Variants in KCNIP1 observed in about 807,000 individuals in gnomAD.
The protein encoded by KCNIP1 is potassium voltage-gated channel interacting protein 1, also known as A-type potassium channel modulatory protein KCNIP1.
KCNIP1 carries 18 observed loss-of-function variants against 33.0 expected under a neutral mutation model. The ratio of observed to expected loss-of-function variants is 0.55; its 90% CI spans 0.38 to 0.81. The LOEUF is 0.81. Ranked by LOEUF, KCNIP1 falls within the 30% of genes least tolerant of loss-of-function variation. The pLI is 0.00. For missense variants in KCNIP1, 238 were observed against 271.6 expected, an observed-to-expected ratio of 0.88 and a Z score of 0.87; for synonymous variants, 93 against 98.3, an observed-to-expected ratio of 0.95 and a Z score of 0.32.
At chr5:170,407,678 T>C (rs1245311554) in intron 1 of KCNIP1, among the ~76,000 whole-genome samples, 1 of 152,200 alleles carries the variant, frequency 6.6e-6, no homozygotes, top group Admixed American at 6.5e-5. Context: ...CTGTCATCAT[T>C]TTACATTTGC....
intron 1 of KCNIP1, among the ~76,000 whole-genome samples, chr5:170,668,502 A>G (rs778523957): frequency 2.6e-5 from 4 of 152,228 alleles, no homozygotes; most frequent in Admixed American, 6.5e-5. Context: ...TGTCAGCCCT[A>G]GAAATCTCTG....
chr5:170,389,468 CGGAGA>C (rs934447324), intron 1 of KCNIP1: 1 of 152,224 alleles, frequency 6.6e-6, no homozygotes, highest in African/African-American at 2.4e-5. Flanking sequence ...GACACAGACT[CGGAGA>C]GCAGGTACCC....
intron 1 of KCNIP1, among the ~76,000 whole-genome samples, chr5:170,557,122 G>C (rs1287460478): frequency 1.3e-5 from 2 of 152,174 alleles, no homozygotes; most frequent in Non-Finnish European, 2.9e-5. Context: ...CTTACTAACT[G>C]TGTGGCCTTG....
Position 170,736,272 on chromosome 5 carries a change from A to T in KCNIP1, c.*466A>T, listed in dbSNP as rs1034894789. 6.1e-6 allele frequency: 1 copy of T among 164,980 alleles called. No homozygotes were observed. Among genetic ancestry groups the T allele is most frequent in the African/African-American group, 2.4e-5 (1 of 41,942 alleles). 10.2% of individuals were successfully genotyped at this position (164,980 alleles called of 1,614,324 possible). ...TGTTTCTCTTCCTTTGGTGGGAAGA[A>T]TGAGAGTTATCCAGAACAATTAGGA... On this transcript the variant is annotated 3_prime_UTR_variant, in exon 8 of 8. Coordinates refer to ENST00000328939, the MANE Select transcript of KCNIP1 (RefSeq NM_014592.4).
intron 1 of KCNIP1, among the ~76,000 whole-genome samples, chr5:170,671,577 A>G (rs1009579208): frequency 2.0e-5 from 3 of 152,074 alleles, no homozygotes; most frequent in Non-Finnish European, 4.4e-5. Context: ...GGCACCAATC[A>G]CGGCTTATAT....
intron 1 of KCNIP1, among the ~76,000 whole-genome samples, chr5:170,612,029 C>T (rs1759178194): frequency 6.6e-6 from 1 of 152,210 alleles, no homozygotes; most frequent in Non-Finnish European, 1.5e-5. Flanking sequence ...ATAATGGCCC[C>T]ACACCTCGAT....
upstream of KCNIP1, among the ~76,000 whole-genome samples, chr5:170,502,269 T>A (rs1027883649): frequency 1.3e-5 from 2 of 152,128 alleles, no homozygotes; most frequent in Admixed American, 6.5e-5. Context: ...TAAGTGCCCC[T>A]CCCCTGTTGC....
At chr5:170,442,559 C>T (rs1290360360) in intron 1 of KCNIP1, among the ~76,000 whole-genome samples, 1 of 152,136 alleles carries the variant, frequency 6.6e-6, no homozygotes, top group African/African-American at 2.4e-5. Context: ...TCTAGCTCCG[C>T]CCTGCCCTGT....
intron 1 of KCNIP1, among the ~76,000 whole-genome samples, chr5:170,672,365 A>G (rs1761959384): frequency 1.3e-5 from 2 of 152,240 alleles, no homozygotes; most frequent in Admixed American, 6.5e-5. Flanking sequence ...GGGGTTCAGA[A>G]AAGAGATGTC....
At chr5:170,640,345 C>T (rs1381594998) in intron 1 of KCNIP1, among the ~76,000 whole-genome samples, 1 of 152,180 alleles carries the variant, frequency 6.6e-6, no homozygotes, top group Non-Finnish European at 1.5e-5. Context: ...ACCTGTTCAA[C>T]CCAGCCCCGT....
intron 1 of KCNIP1, among the ~76,000 whole-genome samples, chr5:170,531,920 A>G (rs1355119175): frequency 6.6e-6 from 1 of 151,938 alleles, no homozygotes; most frequent in Admixed American, 6.6e-5. Flanking sequence ...CATCTTCCCG[A>G]TCTAACTCAC....
intron 1 of KCNIP1, among the ~76,000 whole-genome samples, chr5:170,488,136 C>T (rs185992102): frequency 6.6e-6 from 1 of 152,330 alleles, no homozygotes; most frequent in East Asian, 1.9e-4. Flanking sequence ...GCCTAATCAA[C>T]TTGCTTCTCT....
At chr5:170,614,754 T>A (rs561636245) in intron 1 of KCNIP1, among the ~76,000 whole-genome samples, 1 of 152,346 alleles carries the variant, frequency 6.6e-6, no homozygotes, top group Non-Finnish European at 1.5e-5. Context: ...AAGCCTCCCA[T>A]CCACCTTCAG....
At chr5:170,386,785 T>C (rs1027410886) in intron 1 of KCNIP1, among the ~76,000 whole-genome samples, 2 of 152,074 alleles carry the variant, frequency 1.3e-5, no homozygotes, top group African/African-American at 4.8e-5. Flanking sequence ...TTTCAGGGCT[T>C]GAAGCCACCT....
At chr5:170,630,473 G>A (rs569752882) in intron 1 of KCNIP1, among the ~76,000 whole-genome samples, 80 of 152,376 alleles carry the variant, frequency 5.3e-4, no homozygotes, top group African/African-American at 1.8e-3. Flanking sequence ...ACGTACAGAT[G>A]AGTAGGGGGT....
intron 1 of KCNIP1, among the ~76,000 whole-genome samples, chr5:170,444,460 T>C (rs1756062244): frequency 6.6e-6 from 1 of 152,128 alleles, no homozygotes; most frequent in African/African-American, 2.4e-5. Context: ...CTTCCCACTT[T>C]AAAGCCAGCT....
Position 170,703,772 on chromosome 5 carries a change from A to G in KCNIP1, c.62-14986A>G, listed in dbSNP as rs768190490. ...GGGCCACTGTCTCGGGACTCTTAAT[A>G]TATTTTCCAATTAGTTCCTTTTAGT... On this transcript the variant is annotated intron_variant, in intron 1 of 7. Coordinates refer to ENST00000328939, the MANE Select transcript of KCNIP1 (RefSeq NM_014592.4). 5.8e-5 allele frequency among the ~76,000 whole-genome samples: 8 copies of G among 138,440 alleles called. 1 individual carries two copies. The highest frequency in any genetic ancestry group is 1.2e-4 in the Non-Finnish European group (8 of 65,760). 90.8% of individuals were successfully genotyped at this position (138,440 alleles called of 152,430 possible).
At position 170,504,757 on chromosome 5, in the gene KCNIP1, T is replaced by A; in HGVS notation, c.61+124T>A. On this transcript the variant is annotated intron_variant, in intron 1 of 7. Transcript: ENST00000328939. The surrounding 1 kb of genome is among the most constrained non-coding windows in gnomAD (Gnocchi z 6.0). ...CTCCACGAGGAGCCCGGACAGGTGCTTGTATCCAAAGGAGAGAGAAATCGG... is the reference window on the plus strand; with the variant it reads ...CTCCACGAGGAGCCCGGACAGGTGCATGTATCCAAAGGAGAGAGAAATCGG... 1.2e-6 allele frequency: 1 copy of A among 806,758 alleles called. No individual in the cohort carries two copies. Among genetic ancestry groups the A allele is most frequent in the Middle Eastern group, 2.3e-4 (1 of 4,280 alleles). 50.0% of individuals were successfully genotyped at this position (806,758 alleles called of 1,614,324 possible).
intron 1 of KCNIP1, among the ~76,000 whole-genome samples, chr5:170,576,336 A>G (rs1243682729): frequency 6.6e-6 from 1 of 152,212 alleles, no homozygotes. Context: ...AGGAAGCAAG[A>G]TATAAGCTAT....
Sources: gnomAD v4.1 joint callset for allele counts (sites outside exome capture counted in the v4.1 genomes callset) on GRCh38, gnomAD v4.1.1 for gene constraint, Gnocchi (gnomAD v3.1) non-coding constraint, MANE v1.5 for transcripts, NCBI Gene and HGNC (gene_info 2026-07-23, HGNC 2026-07-21) for gene names.